SHOX: variants seen among roughly 807,000 people sequenced by gnomAD.
SHOX encodes the protein SHOX homeobox.
In SHOX, 12 loss-of-function variants were observed where a neutral mutation model predicts 29.6. The observed-to-expected ratio is 0.41, with a 90% CI of 0.26 to 0.66. SHOX has a LOEUF of 0.66. Among genes scored for constraint, SHOX ranks in the 30% least tolerant of loss-of-function variants. The probability of loss-of-function intolerance (pLI) is 0.35; values close to 1 mark genes in which losing one functional copy is unlikely to be tolerated. For missense variants in SHOX, 499 were observed against 437.7 expected (o/e 1.14, Z -1.25); for synonymous variants, 214 against 200.6 (o/e 1.07, Z -0.57).
intron 2 of SHOX, among the ~76,000 whole-genome samples, chrX:638,858 G>A (rs2052801960): frequency 6.6e-6 from 1 of 152,238 alleles, no homozygotes; most frequent in Non-Finnish European, 1.5e-5. Flanking sequence ...CTTGGCGGAG[G>A]ACGCCTGTTC....
downstream of SHOX, among the ~76,000 whole-genome samples, chrX:651,787 C>T (rs993442348): frequency 4.6e-5 from 7 of 152,034 alleles, no homozygotes; most frequent in African/African-American, 1.7e-4. Flanking sequence ...TGTATCCCAT[C>T]CCCTTCCTTT....
chrX:629,479 T>G (rs2052608990), upstream of SHOX, among the ~76,000 whole-genome samples: 2 of 135,030 alleles, frequency 1.5e-5, no homozygotes, highest in African/African-American at 5.6e-5. Context: ...CTGTCTTTCC[T>G]TGTCTCTCTC....
upstream of SHOX, among the ~76,000 whole-genome samples, chrX:625,963 CTT>C (rs2052525277): frequency 2.4e-5 from 1 of 42,178 alleles, no homozygotes; most frequent in African/African-American, 9.0e-5. Context: ...TCCTCTCTCT[CTT>C]TTTCTCTTTC....
rs2053055255 is a variant in SHOX at position 651,177 on chromosome X, G to A, written c.*6541G>A. 4.9e-6 allele frequency: 2 copies of A among 406,454 alleles called. No individual in the cohort carries two copies. Among genetic ancestry groups the A allele is most frequent in the Non-Finnish European group, 9.9e-6 (2 of 202,022 alleles). The allele number at this position is 406,454 out of a possible 1,614,324, so 25.2% of individuals were successfully genotyped here. A position where few individuals can be genotyped will look rare whatever the true frequency, so the allele number is the denominator to read the frequency against. ...TTATGTCGAGTGTAAATTTGACATC[G>A]CGTTGCATTTATTTTTATATTTCTG... On this transcript the variant is annotated 3_prime_UTR_variant, in exon 5 of 5. Coordinates refer to ENST00000686671, the MANE Select transcript of SHOX (RefSeq NM_000451.4).
At chrX:657,866 C>T (rs190380786) in intron 5 of SHOX, among the ~76,000 whole-genome samples, 13 of 152,152 alleles carry the variant, frequency 8.5e-5, no homozygotes, top group East Asian at 7.7e-4. Context: ...ATTTATTTGA[C>T]GAGTGGAAGG....
chrX:644,235 G>A, intron 4 of SHOX, 156 bp from the exon 5 acceptor site: 3 of 631,442 alleles, frequency 4.8e-6, no homozygotes, highest in South Asian at 1.4e-4. Flanking sequence ...CCAGGGGGAA[G>A]GAGGAAAGGC....
chrX:652,624 G>C (rs1425833560), downstream of SHOX, among the ~76,000 whole-genome samples: 8 of 152,132 alleles, frequency 5.3e-5, no homozygotes, highest in Non-Finnish European at 1.0e-4. Context: ...TGTCTGTACC[G>C]TCCGTTCTTC....
In SHOX at chrX:634,642, G is replaced by A. The variant is rs758706054; in HGVS notation, c.302G>A (p.Arg101His). Reference sequence around the variant, plus strand: ...GGGATTTATGAATGCAAAGAGAAGCGCGAGGACGTGAAGTCGGAGGACGAG... The same window carrying A: ...GGGATTTATGAATGCAAAGAGAAGCACGAGGACGTGAAGTCGGAGGACGAG... ...AEGIYECKEK[R>H]EDVKSEDEDG... Residue 101 changes from arginine (R) to histidine (H), a missense_variant, in exon 2 of 5, where the codon CGC (arginine) becomes CAC (histidine). Coordinates refer to ENST00000686671, the MANE Select transcript of SHOX (RefSeq NM_000451.4). 3 of 1,613,838 alleles carry A rather than the reference G, an allele frequency of 1.9e-6. No homozygotes were observed. Among genetic ancestry groups the A allele is most frequent in the African/African-American group, 2.7e-5 (2 of 75,058 alleles).
At chrX:624,966 G>A (rs1354133797) in intron 1 of SHOX, among the ~76,000 whole-genome samples, 1 of 134,378 alleles carries the variant, frequency 7.4e-6, no homozygotes, top group Non-Finnish European at 1.6e-5. Context: ...TGCTTTTGGA[G>A]CTTTCCTTTT....
downstream of SHOX, among the ~76,000 whole-genome samples, chrX:656,380 C>G (rs1417189927): frequency 6.6e-6 from 1 of 151,504 alleles, no homozygotes; most frequent in Non-Finnish European, 1.5e-5. Flanking sequence ...TCGAGACCAA[C>G]CTCAGCAACA....
chrX:635,584 G>C (rs1280794830), intron 2 of SHOX, among the ~76,000 whole-genome samples: 1 of 152,200 alleles, frequency 6.6e-6, no homozygotes, highest in Admixed American at 6.5e-5. Context: ...AGCGGGGCAC[G>C]GGGGCTCCCC....
At position 630,950 on chromosome X, in the gene SHOX, A is replaced by G. The variant is rs768402466; in HGVS notation, c.53A>G (p.Asp18Gly). The change falls in exon 1 of 5, where the codon GAC becomes GGC. Residue 18 changes from aspartate (D) to glycine (G), a missense_variant. Transcript: ENST00000686671. ...AAGTCTTTTGACCAGAAAAGCAAGG[A>G]CGGTAACGGCGGAGGCGGAGGCGGC... is the stretch of plus-strand genomic sequence containing the variant. ...VSKSFDQKSK[D>G]GNGGGGGGGG... 7 of 1,613,616 alleles carry G rather than the reference A, an allele frequency of 4.3e-6. No individual in the cohort carries two copies. The Admixed American group carries it at 8.3e-5, about 19-fold the overall frequency.
intron 2 of SHOX, 63 bp from the exon 3 acceptor site, chrX:640,758 C>T (rs2052839173): frequency 8.2e-6 from 13 of 1,583,710 alleles, no homozygotes; most frequent in Non-Finnish European, 1.0e-5. Flanking sequence ...GGGAAGGATG[C>T]TCCCTGGGGA....
chrX:629,297 C>CT (rs773734574), upstream of SHOX, among the ~76,000 whole-genome samples: 59 of 150,650 alleles, frequency 3.9e-4, 1 homozygote, highest in East Asian at 0.011. Flanking sequence ...CTCTCCCTGT[C>CT]TGTCTCTTTC....
At position 634,730 on chromosome X, in the gene SHOX, C is replaced by G. The variant is rs770714249; in HGVS notation, c.390C>G (p.Asn130Lys). 13 of 1,612,958 alleles carry G rather than the reference C, an allele frequency of 8.1e-6. No homozygotes were observed. Among genetic ancestry groups the G allele is most frequent in the Non-Finnish European group, 1.0e-5 (12 of 1,179,604 alleles). The change falls in exon 2 of 5, where the codon AAC becomes AAG. Residue 130 changes from asparagine (N) to lysine (K), a missense_variant. Asn to Lys is a moderately conservative substitution (Grantham distance 94). Coordinates refer to ENST00000686671, the MANE Select transcript of SHOX (RefSeq NM_000451.4). ...SRTNFTLEQL[N>K]ELERLFDETH... ...CCAACTTCACGCTGGAGCAGCTGAA[C>G]GAGCTCGAGCGACTCTTCGACGAGA...
intron 2 of SHOX, among the ~76,000 whole-genome samples, chrX:639,085 G>A (rs1412498109): frequency 6.6e-6 from 1 of 152,232 alleles, no homozygotes; most frequent in East Asian, 1.9e-4. Flanking sequence ...TGTCAATACT[G>A]GGAGAGCAGA....
rs747558480 is a variant in SHOX at position 651,406 on chromosome X, C to G, written c.*6770C>G. ...GAGGGGTAGAAAAAAAACAAACAAA[C>G]AAACAGAAAAAAAAACCAAAAAAAA... On this transcript the variant is annotated 3_prime_UTR_variant, in exon 5 of 5. Coordinates refer to ENST00000686671, the MANE Select transcript of SHOX (RefSeq NM_000451.4). The G allele has an allele frequency of 1.2e-3, 489 of 423,912 alleles. 18 individuals are homozygous for G. The highest frequency in any genetic ancestry group is 7.8e-3 in the South Asian group (478 of 61,480). 26.3% of individuals were successfully genotyped at this position (423,912 alleles called of 1,614,324 possible).
chrX:649,455 T>C lies in SHOX; in HGVS notation c.*4819T>C, dbSNP rs2053020705. 6.6e-6 allele frequency among the ~76,000 whole-genome samples: 1 copy of C among 152,192 alleles called. No individual in the cohort carries two copies. The highest frequency in any genetic ancestry group is 2.1e-4 in the South Asian group (1 of 4,824). ...TCCAGAGACACGTTTGCGTGAACAT[T>C]CAGCATGGAAACAACATACGTCTCT... On this transcript the variant is annotated 3_prime_UTR_variant, in exon 5 of 5. Coordinates refer to ENST00000686671, the MANE Select transcript of SHOX (RefSeq NM_000451.4).
chrX:658,804 G>A lies in SHOX; in HGVS notation c.653G>A (p.Arg218His), dbSNP rs193072890. The change falls in exon 6 of 6, where the codon CGC (arginine) becomes CAC (histidine). Residue 218 changes from arginine (R) to histidine (H), a missense_variant. Transcript: ENST00000334060. ...TTTTAGATGGAGTTTTGCTCTTGTC[G>A]CCCGGGCTGGAGTATAATGGCATGA... The A allele has an allele frequency of 4.9e-3, 1,860 of 375,812 alleles. 27 individuals carry two copies. Among genetic ancestry groups the A allele is most frequent in the African/African-American group, 0.04 (1,608 of 40,216 alleles). The allele number at this position is 375,812 out of a possible 1,614,324, so 23.3% of individuals were successfully genotyped here.
Sources: allele counts gnomAD v4.1 joint callset (sites outside exome capture counted in the v4.1 genomes callset), GRCh38; gene constraint gnomAD v4.1.1; transcripts MANE v1.5; gene names NCBI Gene and HGNC (gene_info 2026-07-23, HGNC 2026-07-21).